WDR72: variants seen among roughly 807,000 people sequenced by gnomAD.
WDR72 encodes the protein WD repeat domain 72, also known as WD repeat-containing protein 72.
In WDR72, 120 loss-of-function variants were observed where a neutral mutation model predicts 124.2. The observed-to-expected ratio is 0.97, with a 90% CI of 0.83 to 1.12. WDR72 has a LOEUF of 1.12. WDR72 is among the 50% of genes most tolerant of loss of function. The probability of loss-of-function intolerance (pLI) is 0.00; values close to 1 mark genes in which losing one functional copy is unlikely to be tolerated. For synonymous variants in WDR72, 452 were observed against 441.7 expected (o/e 1.02, Z -0.29); for missense variants, 1,387 against 1,278.8 (o/e 1.08, Z -1.29).
chr15:53,615,994 A>G lies in WDR72; in HGVS notation c.2212T>C (p.Ser738Pro), dbSNP rs771070519. 6.2e-7 allele frequency: 1 copy of G among 1,613,250 alleles called. No individual in the cohort carries two copies. Among genetic ancestry groups the G allele is most frequent in the Non-Finnish European group, 8.5e-7 (1 of 1,179,590 alleles). ...ATAGGCTTGGCTAGTGCCTCTGCTGAAAGAGGACCACAGGCAGTTTTACTT... is the reference window on the plus strand; with the variant it reads ...ATAGGCTTGGCTAGTGCCTCTGCTGGAAGAGGACCACAGGCAGTTTTACTT... ...RKSKTACGPL[S>P]AEALAKPITE... is the part of the protein sequence containing the mutation. The change falls in exon 15 of 20, where the codon TCA (serine) becomes CCA (proline). Residue 738 changes from serine (S) to proline (P), a missense_variant. By Grantham distance (74) the Ser-to-Pro change is moderately conservative. Transcript: ENST00000360509.
rs187307916 is a variant in WDR72, at chr15:53,704,844, G to C, written c.1348+144C>G. 182 of 730,940 alleles carry C rather than the reference G, an allele frequency of 2.5e-4. No homozygotes were observed. In the African/African-American group the frequency reaches 2.7e-3, roughly 11 times the overall value. The allele number at this position is 730,940 out of a possible 1,614,324, so 45.3% of individuals were successfully genotyped here. Reference sequence around the variant, plus strand: ...AAAAAAAAAAAAAACCTATATGTATGTTTTACTTTAACATTAAAATATGTA... The same window carrying C: ...AAAAAAAAAAAAAACCTATATGTATCTTTTACTTTAACATTAAAATATGTA... On this transcript the variant is annotated intron_variant, in intron 11 of 19. Coordinates refer to ENST00000360509, the MANE Select transcript of WDR72 (RefSeq NM_182758.4).
chr15:53,615,686 T>A lies in WDR72; in HGVS notation c.2520A>T (p.Ser840=). 1 of 1,611,890 alleles carries A rather than the reference T, an allele frequency of 6.2e-7. No individual in the cohort carries two copies. The change falls in exon 15 of 20, where the codon TCA becomes TCT. Residue 840 remains serine (S), a synonymous_variant. Transcript: ENST00000360509. The part of the protein sequence containing the change: ...LGISLNEDNF[S]LMLPGWDLCN... ...ATAAATCCCAACCTGGCAACATCAG[T>A]GAGAAATTATCTTCATTCAAAGAAA...
chr15:53,699,440 G>C (rs1271132039), intron 13 of WDR72, among the ~76,000 whole-genome samples: 1 of 152,184 alleles, frequency 6.6e-6, no homozygotes. Flanking sequence ...TTTGAGACCA[G>C]TAGGACACTA....
chr15:53,621,991 A>G (rs933275955), intron 14 of WDR72, among the ~76,000 whole-genome samples: 3 of 152,146 alleles, frequency 2.0e-5, no homozygotes, highest in Non-Finnish European at 2.9e-5. Context: ...TCTCAACAGA[A>G]GACATTCGTG....
At position 53,736,720 on chromosome 15, in the gene WDR72, T is replaced by G. The variant is rs690487; in HGVS notation, c.-12-3559A>C. 4.8e-4 allele frequency among the ~76,000 whole-genome samples: 73 copies of G among 151,918 alleles called. No homozygotes were observed. In the South Asian group the frequency reaches 0.015, roughly 31 times the overall value. ...AAAGGAATACAGGGATAAGCAGGAT[T>G]TTCACATATTAGGCAGTGGACAGGT... On this transcript the variant is annotated intron_variant, in intron 1 of 19. Coordinates refer to ENST00000360509, the MANE Select transcript of WDR72 (RefSeq NM_182758.4).
intron 13 of WDR72, among the ~76,000 whole-genome samples, chr15:53,671,182 A>T (rs2015974471): frequency 6.6e-6 from 1 of 152,164 alleles, no homozygotes; most frequent in Non-Finnish European, 1.5e-5. Flanking sequence ...CCTGACCAAG[A>T]AGTCATAGTC....
At chr15:53,754,009 A>G (rs2018837514) in intron 1 of WDR72, among the ~76,000 whole-genome samples, 1 of 152,194 alleles carries the variant, frequency 6.6e-6, no homozygotes, top group Non-Finnish European at 1.5e-5. Context: ...TGACATCATC[A>G]TCTGTTTACA....
chr15:53,686,638 G>A (rs551105161), intron 13 of WDR72, among the ~76,000 whole-genome samples: 8,171 of 147,140 alleles, frequency 0.056, 666 homozygotes, highest in African/African-American at 0.18. Context: ...CACTGTCAAC[G>A]TTAGACAGAT....
At chr15:53,735,223 G>A (rs2018317780) in intron 1 of WDR72, among the ~76,000 whole-genome samples, 1 of 152,066 alleles carries the variant, frequency 6.6e-6, no homozygotes, top group South Asian at 2.1e-4. Flanking sequence ...CCCAGGAGGT[G>A]GAGGTTGCAG....
chr15:53,522,802 G>T (rs963490608), intron 19 of WDR72, among the ~76,000 whole-genome samples: 1 of 152,000 alleles, frequency 6.6e-6, no homozygotes, highest in South Asian at 2.1e-4. Flanking sequence ...TTTGTTTCTA[G>T]AAAGGTAAAT....
intron 14 of WDR72, among the ~76,000 whole-genome samples, chr15:53,653,095 C>G (rs1470378360): frequency 6.6e-6 from 1 of 152,118 alleles, no homozygotes; most frequent in African/African-American, 2.4e-5. Context: ...GAAATAAATA[C>G]ACTTTTTTTT....
At chr15:53,732,599 TTAAGA>T (rs2018234223) in intron 2 of WDR72, among the ~76,000 whole-genome samples, 1 of 152,140 alleles carries the variant, frequency 6.6e-6, no homozygotes, top group Non-Finnish European at 1.5e-5. Context: ...ACCCACATAA[TTAAGA>T]TATTACTCAT....
chr15:53,674,622 C>A (rs1398915132), intron 13 of WDR72, among the ~76,000 whole-genome samples: 1 of 152,062 alleles, frequency 6.6e-6, no homozygotes, highest in Non-Finnish European at 1.5e-5. Context: ...TACCTTCATT[C>A]CTAAATGTAG....
intron 14 of WDR72, among the ~76,000 whole-genome samples, chr15:53,632,160 T>G (rs996401716): frequency 6.6e-6 from 1 of 151,964 alleles, no homozygotes; most frequent in Non-Finnish European, 1.5e-5. Flanking sequence ...GACTAAATGG[T>G]TTCCTGGGCC....
intron 18 of WDR72, among the ~76,000 whole-genome samples, chr15:53,526,888 C>G (rs1216817455): frequency 6.6e-6 from 1 of 152,028 alleles, no homozygotes; most frequent in African/African-American, 2.4e-5. Flanking sequence ...GCAAACTCTT[C>G]TTGACAGTTC....
chr15:53,680,359 G>A (rs184301297), intron 13 of WDR72, among the ~76,000 whole-genome samples: 231 of 152,292 alleles, frequency 1.5e-3, no homozygotes, highest in Middle Eastern at 6.8e-3. Context: ...AGAAGCACAA[G>A]TTTCTTTACA....
At chr15:53,677,553 T>C (rs2016218393) in intron 13 of WDR72, among the ~76,000 whole-genome samples, 1 of 152,180 alleles carries the variant, frequency 6.6e-6, no homozygotes, top group South Asian at 2.1e-4. Context: ...GGTCAGGTCT[T>C]TCCTGTGCTG....
At chr15:53,677,903 C>T (rs2016232723) in intron 13 of WDR72, among the ~76,000 whole-genome samples, 2 of 152,064 alleles carry the variant, frequency 1.3e-5, no homozygotes, top group South Asian at 4.2e-4. Context: ...TAAAACAATC[C>T]CGTTAACTGC....
At chr15:53,566,046 C>T (rs201987838) in intron 18 of WDR72, among the ~76,000 whole-genome samples, 2 of 151,880 alleles carry the variant, frequency 1.3e-5, no homozygotes, top group Non-Finnish European at 2.9e-5. Flanking sequence ...AGAGATAACC[C>T]GGTGTTGATT....
Sources: allele counts gnomAD v4.1 joint callset (sites outside exome capture counted in the v4.1 genomes callset), GRCh38; gene constraint gnomAD v4.1.1; transcripts MANE v1.5; gene names NCBI Gene and HGNC (gene_info 2026-07-23, HGNC 2026-07-21).